Variants in NMI observed in about 807,000 individuals in gnomAD.
The protein encoded by NMI is N-myc-interactor.
Under a neutral mutation model 34.3 loss-of-function variants are expected in NMI, and 39 were observed. That is an observed-to-expected ratio of 1.14 (90% confidence interval 0.88 to 1.49). NMI has a LOEUF of 1.49. Among genes scored for constraint, NMI ranks in the 40% most tolerant of loss-of-function variants. The pLI is 0.00. For missense variants in NMI, 339 were observed against 358.1 expected, an observed-to-expected ratio of 0.95 and a Z score of 0.43; for synonymous variants, 113 against 120.3, an observed-to-expected ratio of 0.94 and a Z score of 0.40.
intron 1 of NMI, among the ~76,000 whole-genome samples, chr2:151,287,499 T>C (rs1029072330): frequency 1.3e-5 from 2 of 152,162 alleles, no homozygotes; most frequent in East Asian, 3.8e-4. Context: ...CACTGAACAC[T>C]TGGATAGTTC....
chr2:151,280,496 G>A (rs1276048887), intron 3 of NMI, among the ~76,000 whole-genome samples: 1 of 152,196 alleles, frequency 6.6e-6, no homozygotes, highest in Non-Finnish European at 1.5e-5. Flanking sequence ...AAGGCAGAGT[G>A]TTACCCAATA....
At chr2:151,275,190 A>T (rs1374043777) in intron 6 of NMI, among the ~76,000 whole-genome samples, 2 of 151,392 alleles carry the variant, frequency 1.3e-5, no homozygotes, top group African/African-American at 4.9e-5. Flanking sequence ...GCCATGTTGG[A>T]CAGGCTGGTC....
intron 6 of NMI, among the ~76,000 whole-genome samples, chr2:151,274,631 A>G (rs1683255716): frequency 6.6e-6 from 1 of 150,650 alleles, no homozygotes; most frequent in African/African-American, 2.4e-5. Context: ...ATGCGCCACC[A>G]CACCTGGCTA....
chr2:151,279,637 G>A (rs1196312853), intron 3 of NMI, among the ~76,000 whole-genome samples: 3 of 151,980 alleles, frequency 2.0e-5, no homozygotes, highest in Admixed American at 6.6e-5. Context: ...CTACCACACC[G>A]AGCTAATTTC....
chr2:151,283,083 C>A, intron 1 of NMI, 129 bp from the exon 2 acceptor site: 2 of 452,986 alleles, frequency 4.4e-6, no homozygotes, highest in Non-Finnish European at 3.9e-6. Flanking sequence ...TTCCCATCAT[C>A]AAAGGCTTTA....
intron 1 of NMI, among the ~76,000 whole-genome samples, chr2:151,286,235 C>A (rs771267002): frequency 4.6e-5 from 7 of 152,184 alleles, no homozygotes; most frequent in Non-Finnish European, 8.8e-5. Flanking sequence ...ACAGTCCTGC[C>A]AAAGATGCAT....
At chr2:151,287,738 G>A (rs1231727074) in intron 1 of NMI, among the ~76,000 whole-genome samples, 2 of 152,120 alleles carry the variant, frequency 1.3e-5, no homozygotes, top group Non-Finnish European at 2.9e-5. Context: ...CAGTAAACAT[G>A]TTGAGGGCTG....
At position 151,281,977 on chromosome 2, in the gene NMI, C is replaced by G. The variant is rs762119579; in HGVS notation, c.148G>C (p.Glu50Gln). 6.4e-7 allele frequency: 1 copy of G among 1,557,788 alleles called. No homozygotes were observed. The highest frequency in any genetic ancestry group is 8.8e-7 in the Non-Finnish European group (1 of 1,132,312). The part of the protein sequence containing the change: ...LKKEIQKLET[E>Q]LQEATKEFQI... The stretch of plus-strand genomic sequence containing the variant: ...AATTCTTTGGTAGCCTCTTGTAACT[C>G]CGTTTCAAGCTTTTGGATCTCCTTC... Residue 50 changes from glutamate (E) to glutamine (Q), a missense_variant, in exon 3 of 8, where the codon GAG (glutamate) becomes CAG (glutamine). Transcript: ENST00000243346.
intron 3 of NMI, among the ~76,000 whole-genome samples, chr2:151,279,604 G>A (rs1168230581): frequency 2.0e-5 from 3 of 152,016 alleles, no homozygotes; most frequent in Admixed American, 1.3e-4. Context: ...AGTCTCCCGC[G>A]TAGCTGGAAC....
In NMI at chr2:151,270,671, A is replaced by G; in HGVS notation, c.*22T>C. 1 of 1,565,232 alleles carries G rather than the reference A, an allele frequency of 6.4e-7. No individual in the cohort carries two copies. The highest frequency in any genetic ancestry group is 8.7e-7 in the Non-Finnish European group (1 of 1,150,982). ...ACAGTAATCCGGGTTAAAAAGCTAT[A>G]GTTTTCATGATTCTGTTAAGTCTAT... On this transcript the variant is annotated 3_prime_UTR_variant, in exon 8 of 8. Transcript: ENST00000243346.
In NMI at chr2:151,278,893, A is replaced by G; in HGVS notation, c.275T>C (p.Val92Ala). The G allele has an allele frequency of 6.2e-7, 1 of 1,613,414 alleles. No homozygotes were observed. The highest frequency in any genetic ancestry group is 8.5e-7 in the Non-Finnish European group (1 of 1,179,528). Residue 92 changes from valine to alanine, a missense_variant, in exon 4 of 8, where the codon GTG (valine) becomes GCG (alanine). By Grantham distance (64) the Val-to-Ala change is moderately conservative (BLOSUM62 0). Coordinates refer to ENST00000243346, the MANE Select transcript of NMI (RefSeq NM_004688.3). ...QLSNISCSFQ[V>A]SSKVPYEIQK... ...TATCTCATAAGGAACTTTCGAGCTC[A>G]CTTGAAACGAACAGGAGATATTTGA...
intron 1 of NMI, among the ~76,000 whole-genome samples, chr2:151,285,402 GATAA>G (rs367852382): frequency 0.02 from 2,687 of 132,514 alleles, 83 homozygotes; most frequent in African/African-American, 0.075. Context: ...TAGATAGATA[GATAA>G]ATAGACAGAC....
At position 151,282,851 on chromosome 2, in the gene NMI, A is replaced by G. The variant is rs765314957; in HGVS notation, c.81+17T>C. 2 of 1,252,016 alleles carry G rather than the reference A, an allele frequency of 1.6e-6. No individual in the cohort carries two copies. Among genetic ancestry groups the G allele is most frequent in the Admixed American group, 4.7e-5 (2 of 42,154 alleles). 77.6% of individuals were successfully genotyped at this position (1,252,016 alleles called of 1,614,324 possible). A position where few individuals can be genotyped will look rare whatever the true frequency, so the allele number is the denominator to read the frequency against. ...TATAAAATAATTTTTAATAATACCC[A>G]GTAATTTCCTTTTTACCTTATTTTG... On this transcript the variant is annotated intron_variant, in intron 2 of 7. Transcript: ENST00000243346.
intron 1 of NMI, among the ~76,000 whole-genome samples, chr2:151,287,964 G>A (rs1186846557): frequency 2.6e-5 from 4 of 152,148 alleles, no homozygotes; most frequent in African/African-American, 9.7e-5. Context: ...TTGTGACAAT[G>A]CCAATATTCC....
chr2:151,280,534 G>A (rs778964244), intron 3 of NMI, among the ~76,000 whole-genome samples: 25 of 152,198 alleles, frequency 1.6e-4, no homozygotes, highest in Non-Finnish European at 2.9e-4. Flanking sequence ...ATATGCTGAG[G>A]AGCAAGGGCT....
At chr2:151,274,238 G>T (rs1445608950) in intron 6 of NMI, among the ~76,000 whole-genome samples, 7 of 149,096 alleles carry the variant, frequency 4.7e-5, no homozygotes, top group Non-Finnish European at 7.4e-5. Flanking sequence ...AGCTACTCGG[G>T]AGGCTGAGGT....
At chr2:151,286,448 C>A (rs1683498538) in intron 1 of NMI, among the ~76,000 whole-genome samples, 1 of 152,150 alleles carries the variant, frequency 6.6e-6, no homozygotes, top group African/African-American at 2.4e-5. Context: ...ATCACTGGGG[C>A]TCAGAAACTG....
At chr2:151,284,362 G>A (rs1333183855) in intron 1 of NMI, among the ~76,000 whole-genome samples, 1 of 151,986 alleles carries the variant, frequency 6.6e-6, no homozygotes, top group Admixed American at 6.6e-5. Context: ...AGTGGGGCAT[G>A]AACACGGCTC....
At chr2:151,285,692 C>T (rs1322511054) in intron 1 of NMI, among the ~76,000 whole-genome samples, 2 of 151,688 alleles carry the variant, frequency 1.3e-5, no homozygotes, top group Admixed American at 6.6e-5. Flanking sequence ...AGAGCAGATA[C>T]AACCACAATG....
Sources: allele counts gnomAD v4.1 joint callset (sites outside exome capture counted in the v4.1 genomes callset), GRCh38; gene constraint gnomAD v4.1.1; transcripts MANE v1.5; gene names NCBI Gene and HGNC (gene_info 2026-07-23, HGNC 2026-07-21).